Variants in TTC7B observed in about 807,000 individuals in gnomAD.
TTC7B encodes the protein tetratricopeptide repeat protein 7B.
Under a neutral mutation model 106.8 loss-of-function variants are expected in TTC7B, and 28 were observed. The ratio of observed to expected loss-of-function variants is 0.26; its 90% CI spans 0.19 to 0.36. The LOEUF is 0.36. Ranked by LOEUF, TTC7B falls within the 10% of genes least tolerant of loss-of-function variation. TTC7B has a pLI of 1.00. For missense variants in TTC7B, 862 were observed against 1,076.4 expected, an observed-to-expected ratio of 0.80 and a Z score of 2.79; for synonymous variants, 405 against 430.6, an observed-to-expected ratio of 0.94 and a Z score of 0.74.
In TTC7B at chr14:90,538,231, AATGG is replaced by A. The variant is rs1889463696; in HGVS notation, c.*3133_*3136del. On this transcript the variant is annotated 3_prime_UTR_variant, in exon 20 of 20. Transcript: ENST00000328459. ...TCTAGCGTCTGCGTCCTCATCTATT[AATGG>A]ATGGACGGATGGATGGATGGATGGA... is the stretch of plus-strand genomic sequence containing the variant. 6.7e-6 allele frequency: 1 copy of A among 149,580 alleles called. No individual in the cohort carries two copies. The highest frequency in any genetic ancestry group is 6.8e-5 in the Admixed American group (1 of 14,766). The allele number at this position is 149,580 out of a possible 1,614,324, so 9.3% of individuals were successfully genotyped here.
intron 1 of TTC7B, among the ~76,000 whole-genome samples, chr14:90,791,703 C>A (rs1891591845): frequency 6.6e-6 from 1 of 152,016 alleles, no homozygotes; most frequent in Non-Finnish European, 1.5e-5. Context: ...ATAGGCTGGA[C>A]CTTGGCAGTG....
chr14:90,788,388 G>C (rs1891463459), intron 1 of TTC7B, among the ~76,000 whole-genome samples: 2 of 152,140 alleles, frequency 1.3e-5, no homozygotes, highest in Non-Finnish European at 1.5e-5. Flanking sequence ...CAGGAACGAA[G>C]GACATGTAGG....
intron 19 of TTC7B, among the ~76,000 whole-genome samples, chr14:90,557,627 G>A (rs1890376228): frequency 6.6e-6 from 1 of 152,234 alleles, no homozygotes; most frequent in South Asian, 2.1e-4. Flanking sequence ...AGGCCTGGCT[G>A]GAGTCTCCAC....
In TTC7B at chr14:90,816,336, A is replaced by G. The variant is rs1353961218; in HGVS notation, c.-41T>C. On this transcript the variant is annotated 5_prime_UTR_variant, in exon 1 of 20. Coordinates refer to ENST00000328459, the MANE Select transcript of TTC7B (RefSeq NM_001010854.2). Reference sequence around the variant, plus strand: ...CCCGGCCGCCCGCCCCGCAGGCCCCACCGCCGCCGCCGCGGCGCCCCCTCG... The same window carrying G: ...CCCGGCCGCCCGCCCCGCAGGCCCCGCCGCCGCCGCCGCGGCGCCCCCTCG... 18 of 946,686 alleles carry G rather than the reference A, an allele frequency of 1.9e-5. No homozygotes were observed. The highest frequency in any genetic ancestry group is 1.9e-5 in the Non-Finnish European group (15 of 799,356). 58.6% of individuals were successfully genotyped at this position (946,686 alleles called of 1,614,324 possible).
Position 90,531,731 on chromosome 14 carries a change from T to G in TTC7B, c.*9637A>C, listed in dbSNP as rs1889295368. On this transcript the variant is annotated 3_prime_UTR_variant, in exon 20 of 20. Coordinates refer to ENST00000328459, the MANE Select transcript of TTC7B (RefSeq NM_001010854.2). Reference sequence around the variant, plus strand: ...CACAGTCCAGATCCAAAGGACAAGCTGGCTCAAGATTTTGAAAGCAATGAA... The same window carrying G: ...CACAGTCCAGATCCAAAGGACAAGCGGGCTCAAGATTTTGAAAGCAATGAA... The G allele has an allele frequency of 2.0e-5, 3 of 151,924 alleles. No individual in the cohort carries two copies. The highest frequency in any genetic ancestry group is 7.3e-5 in the African/African-American group (3 of 41,344). 9.4% of individuals were successfully genotyped at this position (151,924 alleles called of 1,614,324 possible). A position where few individuals can be genotyped will look rare whatever the true frequency, so the allele number is the denominator to read the frequency against.
intron 16 of TTC7B, among the ~76,000 whole-genome samples, chr14:90,613,427 C>T (rs991717547): frequency 6.6e-6 from 1 of 152,106 alleles, no homozygotes; most frequent in Non-Finnish European, 1.5e-5. Context: ...GTATTTGTGA[C>T]CGATTGAGAA....
chr14:90,604,358 C>G (rs941647906), intron 17 of TTC7B, among the ~76,000 whole-genome samples: 3 of 152,216 alleles, frequency 2.0e-5, no homozygotes, highest in Non-Finnish European at 4.4e-5. Context: ...GGTGTTTAAA[C>G]AGTATCTTCA....
rs200489214 is a variant in TTC7B at position 90,780,679 on chromosome 14, C to T, written c.445+59G>A. 1.4e-3 allele frequency: 2,161 copies of T among 1,566,544 alleles called. 2 individuals are homozygous for T. The highest frequency in any genetic ancestry group is 1.7e-3 in the Admixed American group (93 of 53,782). ...GGGCCAAGGGTCAAATAGGCAGCTC[C>T]GAAGAGGCGCTGCTGGCTCCAGGTC... On this transcript the variant is annotated intron_variant, in intron 3 of 19. Transcript: ENST00000328459.
intron 5 of TTC7B, 65 bp from the exon 6 acceptor site, chr14:90,695,643 A>G: frequency 9.6e-7 from 1 of 1,046,060 alleles, no homozygotes; most frequent in Non-Finnish European, 1.4e-6. Flanking sequence ...TTTTATATGC[A>G]CGTTTCAATG....
Position 90,752,315 on chromosome 14 carries a change from C to T in TTC7B, c.446-7393G>A, listed in dbSNP as rs558870045. On this transcript the variant is annotated intron_variant, in intron 3 of 19. Transcript: ENST00000328459. ...GGAGCATTGCTTGAGCCCAAGAGTT[C>T]GAGACCAGCCTGCCTAACATAGTGA... is the stretch of plus-strand genomic sequence containing the variant. Among the ~76,000 whole-genome samples, 204 of 152,090 alleles carry T rather than the reference C, an allele frequency of 1.3e-3. 1 individual carries two copies. Among genetic ancestry groups the T allele is most frequent in the African/African-American group, 4.4e-3 (183 of 41,496 alleles).
intron 18 of TTC7B, among the ~76,000 whole-genome samples, chr14:90,579,739 C>A (rs909278060): frequency 6.6e-6 from 1 of 152,192 alleles, no homozygotes; most frequent in Middle Eastern, 3.2e-3. Flanking sequence ...GTGGAGGTTG[C>A]AGTGAGCCAA....
intron 18 of TTC7B, among the ~76,000 whole-genome samples, chr14:90,587,808 C>A (rs1264261443): frequency 1.3e-5 from 2 of 152,138 alleles, no homozygotes; most frequent in Non-Finnish European, 2.9e-5. Context: ...TGGGTTGGAG[C>A]TAGGGTTCTG....
At chr14:90,724,387 C>T (rs552025292) in intron 5 of TTC7B, among the ~76,000 whole-genome samples, 1 of 152,284 alleles carries the variant, frequency 6.6e-6, no homozygotes, top group African/African-American at 2.4e-5. Flanking sequence ...GGATGTGTGT[C>T]TCTACCCAAA....
At chr14:90,554,543 T>G (rs1351201720) in intron 19 of TTC7B, among the ~76,000 whole-genome samples, 1 of 152,190 alleles carries the variant, frequency 6.6e-6, no homozygotes, top group Non-Finnish European at 1.5e-5. Context: ...GTCCTGGTGC[T>G]GTGCCAGGTG....
Position 90,578,035 on chromosome 14 carries a change from T to C in TTC7B, c.2310+71A>G, listed in dbSNP as rs1891327847. 2 of 1,523,258 alleles carry C rather than the reference T, an allele frequency of 1.3e-6. No individual in the cohort carries two copies. The highest frequency in any genetic ancestry group is 8.9e-7 in the Non-Finnish European group (1 of 1,126,246). 94.4% of individuals were successfully genotyped at this position (1,523,258 alleles called of 1,614,324 possible). A position where few individuals can be genotyped will look rare whatever the true frequency, so the allele number is the denominator to read the frequency against. On this transcript the variant is annotated intron_variant, in intron 19 of 19. Transcript: ENST00000328459. This position sits in a 1 kb window ranked among gnomAD's most constrained non-coding sequence, Gnocchi z 4.7. ...GAAGCAGAAGAGGGTGTGAGGGTCA[T>C]GTGCTACCTGCCGCTTCCAAGGGCT...
Position 90,549,229 on chromosome 14 carries a change from C to T in TTC7B, c.2311-7640G>A, listed in dbSNP as rs1170081498. Among the ~76,000 whole-genome samples the T allele has an allele frequency of 2.6e-5, 4 of 151,884 alleles. No individual in the cohort carries two copies. The East Asian group carries it at 7.7e-4, about 29-fold the overall frequency. ...CACTGGTGGAGTGGGACCCCTTCTC[C>T]TCCAGAGGGAGTGAGGCCCAAAGGC... On this transcript the variant is annotated intron_variant, in intron 19 of 19. Coordinates refer to ENST00000328459, the MANE Select transcript of TTC7B (RefSeq NM_001010854.2).
chr14:90,661,087 G>A (rs912450531), intron 9 of TTC7B, among the ~76,000 whole-genome samples: 3 of 152,134 alleles, frequency 2.0e-5, no homozygotes, highest in African/African-American at 7.2e-5. Flanking sequence ...GAAGTAGGGT[G>A]GCCAGGAACA....
intron 18 of TTC7B, among the ~76,000 whole-genome samples, chr14:90,584,693 G>C (rs775810075): frequency 6.6e-6 from 1 of 151,430 alleles, no homozygotes; most frequent in Non-Finnish European, 1.5e-5. Flanking sequence ...CGGAAAGGAC[G>C]CATGGCAGTA....
At chr14:90,712,044 A>C (rs1888469860) in intron 5 of TTC7B, among the ~76,000 whole-genome samples, 1 of 148,952 alleles carries the variant, frequency 6.7e-6, no homozygotes, top group African/African-American at 2.5e-5. Flanking sequence ...AATAGGTTGA[A>C]AATAAAAGGA....
Sources: gnomAD v4.1 joint callset for allele counts (sites outside exome capture counted in the v4.1 genomes callset) on GRCh38, gnomAD v4.1.1 for gene constraint, Gnocchi (gnomAD v3.1) non-coding constraint, MANE v1.5 for transcripts, NCBI Gene and HGNC (gene_info 2026-07-23, HGNC 2026-07-21) for gene names.